The following HDGFL2 variants were observed in gnomAD, a reference collection of about 807,000 sequenced individuals.
HDGFL2 encodes the protein HDGF like 2.
Under a neutral mutation model 77.1 loss-of-function variants are expected in HDGFL2, and 36 were observed. That is an observed-to-expected ratio of 0.47 (90% CI 0.36 to 0.62). HDGFL2 has a LOEUF of 0.62. HDGFL2 is among the 20% of genes least tolerant of loss of function. The pLI, the probability that HDGFL2 is intolerant of heterozygous loss-of-function variation, is 0.00. For missense variants in HDGFL2, 976 were observed against 973.4 expected (o/e 1.00, Z -0.04); for synonymous variants, 463 against 413.1 (o/e 1.12, Z -1.46).
chr19:4,502,111 C>CTGTT lies in HDGFL2; in HGVS notation c.*105_*108dup, dbSNP rs537007985. 1.2e-4 allele frequency: 103 copies of CTGTT among 857,822 alleles called. No individual in the cohort carries two copies. The highest frequency in any genetic ancestry group is 4.3e-4 in the Middle Eastern group (2 of 4,688). The allele number at this position is 857,822 out of a possible 1,614,324, so 53.1% of individuals were successfully genotyped here. A position where few individuals can be genotyped will look rare whatever the true frequency, so the allele number is the denominator to read the frequency against. On this transcript the variant is annotated 3_prime_UTR_variant, in exon 16 of 16. Coordinates refer to ENST00000616600, the MANE Select transcript of HDGFL2 (RefSeq NM_001001520.3). ...GCAGAGAACTGTGGGGAACGCTGTG[C>CTGTT]TGTTTGTATTTGTTCCCTTGGGTTT...
intron 6 of HDGFL2, among the ~76,000 whole-genome samples, chr19:4,493,208 G>A (rs1030190807): frequency 8.4e-6 from 1 of 119,654 alleles, no homozygotes; most frequent in African/African-American, 3.4e-5. Context: ...GTGTCTGTGC[G>A]GTGTGTGTGG....
chr19:4,484,781 C>T (rs1333214467), intron 3 of HDGFL2, among the ~76,000 whole-genome samples: 2 of 150,946 alleles, frequency 1.3e-5, no homozygotes, highest in African/African-American at 4.9e-5. Context: ...ACGCCATTCT[C>T]CTGCCTCAGC....
rs568653220 is a variant in HDGFL2, at chr19:4,498,126, G to C, written c.1402+95G>C. The C allele has an allele frequency of 1.4e-5, 18 of 1,277,598 alleles. No homozygotes were observed. In the Admixed American group the frequency reaches 2.7e-4, roughly 19 times the overall value. The allele number at this position is 1,277,598 out of a possible 1,614,324, so 79.1% of individuals were successfully genotyped here. On this transcript the variant is annotated intron_variant, in intron 11 of 15. Coordinates refer to ENST00000616600, the MANE Select transcript of HDGFL2 (RefSeq NM_001001520.3). ...CTGGCCTGTCCCGCCTGTCCCTAGA[G>C]AGGGTGCTCAGCACATCCTCGGCCG...
Position 4,502,126 on chromosome 19 carries a change from C to T in HDGFL2, c.*116C>T, listed in dbSNP as rs1207911378. 7 of 793,694 alleles carry T rather than the reference C, an allele frequency of 8.8e-6. 1 individual carries two copies. The highest frequency in any genetic ancestry group is 2.2e-4 in the Middle Eastern group (1 of 4,532). The allele number at this position is 793,694 out of a possible 1,614,324, so 49.2% of individuals were successfully genotyped here. A position where few individuals can be genotyped will look rare whatever the true frequency, so the allele number is the denominator to read the frequency against. ...GAACGCTGTGCTGTTTGTATTTGTT[C>T]CCTTGGGTTTTTTTTTCCTGCCTAA... On this transcript the variant is annotated 3_prime_UTR_variant, in exon 16 of 16. Transcript: ENST00000616600.
intron 10 of HDGFL2, chr19:4,496,858 C>T (rs1375803173): frequency 2.5e-6 from 1 of 397,792 alleles, no homozygotes; most frequent in Non-Finnish European, 4.8e-6. Context: ...CAGAGCCTGT[C>T]TCCCAGCTCA....
intron 14 of HDGFL2, 24 bp from the exon 15 acceptor site, chr19:4,501,167 C>T: frequency 6.2e-7 from 1 of 1,612,582 alleles, no homozygotes; most frequent in Non-Finnish European, 8.5e-7. Context: ...CAGCAGTGTC[C>T]TGTGACCCCT....
chr19:4,494,868 T>C (rs996216210), intron 9 of HDGFL2, among the ~76,000 whole-genome samples: 1 of 151,714 alleles, frequency 6.6e-6, no homozygotes, highest in South Asian at 2.1e-4. Flanking sequence ...TGCAGTGAGC[T>C]GTCATCAATC....
intron 14 of HDGFL2, among the ~76,000 whole-genome samples, chr19:4,500,193 A>G (rs10406797): frequency 0.8 from 121,649 of 152,266 alleles, 49,364 homozygotes; most frequent in East Asian, 0.91. Flanking sequence ...GCCCCATTAC[A>G]GGTGCTCAGA....
intron 1 of HDGFL2, 30 bp downstream of exon 1, chr19:4,472,452 G>GA: frequency 3.8e-6 from 1 of 264,138 alleles, no homozygotes; most frequent in Non-Finnish European, 5.4e-6. Context: ...GGGGCCGGTG[G>GA]GGGGGGGGGG....
chr19:4,472,412 G>A lies in HDGFL2; in HGVS notation c.62G>A (p.Trp21Ter). 1 of 1,492,858 alleles carries A rather than the reference G, an allele frequency of 6.7e-7. No homozygotes were observed. 92.5% of individuals were successfully genotyped at this position (1,492,858 alleles called of 1,614,324 possible). Residue 21 changes from tryptophan (W) to a stop codon, truncating the protein, a stop_gained, in exon 1 of 16, where the codon TGG becomes TAG. Coordinates refer to ENST00000616600, the MANE Select transcript of HDGFL2 (RefSeq NM_001001520.3). LOFTEE classifies it high-confidence loss of function. ...VFAKMKGYPH[W>*]PARIDDIADG... Reference sequence around the variant, plus strand: ...GCTAAGATGAAGGGCTACCCTCACTGGCCTGCCAGGGTGAGGCCGCGCGGG... The same window carrying A: ...GCTAAGATGAAGGGCTACCCTCACTAGCCTGCCAGGGTGAGGCCGCGCGGG...
rs185394586 is a variant in HDGFL2, at chr19:4,478,825, C to T, written c.288+3242C>T. Among the ~76,000 whole-genome samples, 12 of 151,928 alleles carry T rather than the reference C, an allele frequency of 7.9e-5. No homozygotes were observed. The East Asian group carries it at 1.8e-3, about 23-fold the overall frequency. Reference sequence around the variant, plus strand: ...TCAGCCTCCCAAGTAGCTGGGACTACAGGCATGTGCCACCACGCCCGGCTA... The same window carrying T: ...TCAGCCTCCCAAGTAGCTGGGACTATAGGCATGTGCCACCACGCCCGGCTA... On this transcript the variant is annotated intron_variant, in intron 3 of 15. Coordinates refer to ENST00000616600, the MANE Select transcript of HDGFL2 (RefSeq NM_001001520.3).
intron 12 of HDGFL2, 38 bp from the exon 13 acceptor site, chr19:4,498,776 G>A (rs775232321): frequency 1.7e-5 from 24 of 1,443,070 alleles, no homozygotes; most frequent in Middle Eastern, 1.8e-4. Context: ...GGGATCCCTT[G>A]GCCAGGCCGT....
chr19:4,477,216 T>C (rs996842288), intron 3 of HDGFL2, among the ~76,000 whole-genome samples: 10 of 152,152 alleles, frequency 6.6e-5, no homozygotes, highest in African/African-American at 2.4e-4. Flanking sequence ...TGGTGACACC[T>C]GCCACGCACA....
chr19:4,497,445 C>T (rs1046829786), intron 10 of HDGFL2: 3 of 291,414 alleles, frequency 1.0e-5, no homozygotes, highest in African/African-American at 2.3e-5. Context: ...GATCCCCCCG[C>T]CTCGGCCTCC....
intron 11 of HDGFL2, 119 bp downstream of exon 11, chr19:4,498,150 C>T (rs1005550854): frequency 8.3e-6 from 10 of 1,205,386 alleles, no homozygotes; most frequent in South Asian, 1.4e-5. Context: ...CATCCTCGGC[C>T]GGCCTGGCCG....
In HDGFL2 at chr19:4,496,423, C is replaced by T. The variant is rs753340572; in HGVS notation, c.1328+18C>T. The T allele has an allele frequency of 6.2e-7, 1 of 1,601,446 alleles. No individual in the cohort carries two copies. Among genetic ancestry groups the T allele is most frequent in the Non-Finnish European group, 8.5e-7 (1 of 1,170,784 alleles). ...CAAGCCAAGTGAGCCCTGCTCTGCC[C>T]CTCCACACCCTGGGGGCCCCGCACC... On this transcript the variant is annotated intron_variant, in intron 10 of 15. Coordinates refer to ENST00000616600, the MANE Select transcript of HDGFL2 (RefSeq NM_001001520.3).
intron 4 of HDGFL2, among the ~76,000 whole-genome samples, chr19:4,491,249 A>ACCCCCCCCCCCCCCCCC (rs1975499381): frequency 1.0e-4 from 4 of 39,472 alleles, no homozygotes; most frequent in East Asian, 1.8e-3. Flanking sequence ...CACTCCCACC[A>ACCCCCCCCCCCCCCCCC]CCCACCCCCC....
chr19:4,501,959 G>C lies in HDGFL2; in HGVS notation c.1965G>C (p.Gln655His). 6.7e-7 allele frequency: 1 copy of C among 1,503,066 alleles called. No homozygotes were observed. Among genetic ancestry groups the C allele is most frequent in the Non-Finnish European group, 8.8e-7 (1 of 1,132,168 alleles). The allele number at this position is 1,503,066 out of a possible 1,614,324, so 93.1% of individuals were successfully genotyped here. A position where few individuals can be genotyped will look rare whatever the true frequency, so the allele number is the denominator to read the frequency against. The change falls in exon 16 of 16, where the codon CAG becomes CAC. Residue 655 changes from glutamine to histidine, a missense_variant. Physicochemically the swap from Gln to His is conservative, Grantham distance 24. Coordinates refer to ENST00000616600, the MANE Select transcript of HDGFL2 (RefSeq NM_001001520.3). ...PDLDRPGSDR[Q>H]ERERARGDSE... is the part of the protein sequence containing the mutation. ...TGGACAGGCCTGGGAGCGACCGGCA[G>C]GAGCGCGAGAGGGCACGGGGGGACT...
intron 10 of HDGFL2, chr19:4,497,121 C>T (rs1318425107): frequency 2.3e-6 from 1 of 442,554 alleles, no homozygotes; most frequent in African/African-American, 2.0e-5. Flanking sequence ...GATCTGCCCG[C>T]CTCAGCCTCC....
Sources: allele counts gnomAD v4.1 joint callset (sites outside exome capture counted in the v4.1 genomes callset), GRCh38; gene constraint gnomAD v4.1.1; transcripts MANE v1.5; gene names NCBI Gene and HGNC (gene_info 2026-07-23, HGNC 2026-07-21).